Variants in FN1 observed in about 807,000 individuals in gnomAD.
FN1 encodes fibronectin 1, also known as fibronectin.
In FN1, 106 loss-of-function variants were observed where a neutral mutation model predicts 297.3. That is an observed-to-expected ratio of 0.36 (90% CI 0.30 to 0.42). FN1 has a LOEUF of 0.42. Among genes scored for constraint, FN1 ranks in the 10% least tolerant of loss-of-function variants. The probability of loss-of-function intolerance (pLI) is 1.00; values close to 1 mark genes in which losing one functional copy is unlikely to be tolerated. For missense variants in FN1, 2,690 were observed against 3,124.9 expected (o/e 0.86, Z 3.32); for synonymous variants, 1,149 against 1,152.6 (o/e 1.00, Z 0.06).
At chr2:215,376,365 A>T in intron 36 of FN1, 133 bp downstream of exon 36, 1 of 804,912 alleles carries the variant, frequency 1.2e-6, no homozygotes, top group Non-Finnish European at 2.1e-6. Context: ...CATGAAAATA[A>T]CGTTCTAAAA....
Position 215,380,965 on chromosome 2 carries a change from A to G in FN1, c.5280T>C (p.Pro1760=). Residue 1760 remains proline, a synonymous_variant, in exon 33 of 46, where the codon CCT becomes CCC. Transcript: ENST00000354785. The part of the protein sequence containing the change: ...VSRYRVTYSS[P]EDGIHELFPA... ...GGAATAGCTCATGGATTCCATCCTC[A>G]GGGCTCGAGTAGGTCACCCTGTACC... is the stretch of plus-strand genomic sequence containing the variant. 2 of 1,614,216 alleles carry G rather than the reference A, an allele frequency of 1.2e-6. No individual in the cohort carries two copies. Among genetic ancestry groups the G allele is most frequent in the Non-Finnish European group, 1.7e-6 (2 of 1,180,036 alleles).
chr2:215,391,698 C>A lies in FN1; in HGVS notation c.4186G>T (p.Val1396Leu), dbSNP rs1001840139. 1 of 1,614,120 alleles carries A rather than the reference C, an allele frequency of 6.2e-7. No homozygotes were observed. Among genetic ancestry groups the A allele is most frequent in the African/African-American group, 1.3e-5 (1 of 75,052 alleles). ...LTNFLVRYSP[V>L]KNEEDVAELS... ...TCTGCAACATCTTCCTCATTTTTCA[C>A]AGGTGAGTAACGCACCAGGAAGTTG... Residue 1396 changes from valine (V) to leucine (L), a missense_variant, in exon 26 of 46, where the codon GTG (valine) becomes TTG (leucine). This residue lies in a region of FN1 where 1,743 missense variants were observed against 1,945.2 expected (regional missense o/e 0.90). Transcript: ENST00000354785.
In FN1 at chr2:215,367,884, G is replaced by T; in HGVS notation, c.6997C>A (p.His2333Asn). ...LCQCLGFGSG[H>N]FRCDSSRWCH... ...TCACTAGATGAATCACATCTGAAAT[G>T]ACCACTTCCAAAGCCTAAGCACTGG... Residue 2333 changes from histidine to asparagine, a missense_variant, in exon 42 of 46, where the codon CAT becomes AAT. Physicochemically the swap from His to Asn is moderately conservative, Grantham distance 68. Coordinates refer to ENST00000354785, the MANE Select transcript of FN1 (RefSeq NM_212482.4). The T allele has an allele frequency of 6.2e-7, 1 of 1,613,994 alleles. No individual in the cohort carries two copies. The highest frequency in any genetic ancestry group is 1.1e-5 in the South Asian group (1 of 91,046).
rs2057827277 is a variant in FN1, at chr2:215,379,202, C to T, written c.5550G>A (p.Lys1850=). 4 of 1,614,006 alleles carry T rather than the reference C, an allele frequency of 2.5e-6. No homozygotes were observed. Among genetic ancestry groups the T allele is most frequent in the Non-Finnish European group, 3.4e-6 (4 of 1,180,000 alleles). The change falls in exon 34 of 46, where the codon AAG becomes AAA. Residue 1850 remains lysine, a synonymous_variant. Transcript: ENST00000354785. ...TTTCTTTCATTGGTCCGGTCTTCTC[C>T]TTGGGGGTCACCCGCACTCGATATC... ...LTGYRVRVTP[K]EKTGPMKEIN...
chr2:215,374,746 C>T (rs747993200), intron 38 of FN1, among the ~76,000 whole-genome samples: 12 of 152,206 alleles, frequency 7.9e-5, no homozygotes, highest in Non-Finnish European at 1.2e-4. Context: ...TCTTATTCCC[C>T]ATTCCAGGCA....
intron 24 of FN1, chr2:215,393,411 G>T: frequency 2.6e-6 from 1 of 378,996 alleles, no homozygotes; most frequent in Non-Finnish European, 4.6e-6. Flanking sequence ...GAATAAACAG[G>T]AATATTCTTT....
At chr2:215,383,736 C>A (rs890940652) in intron 30 of FN1, among the ~76,000 whole-genome samples, 1 of 152,162 alleles carries the variant, frequency 6.6e-6, no homozygotes, top group Non-Finnish European at 1.5e-5. Flanking sequence ...CCTACTTTAT[C>A]AACTCATCCA....
chr2:215,402,131 A>G, intron 20 of FN1, among the ~76,000 whole-genome samples: 1 of 152,164 alleles, frequency 6.6e-6, no homozygotes, highest in Non-Finnish European at 1.5e-5. Flanking sequence ...GAAAACCACA[A>G]CTTTTTTTAC....
At chr2:215,372,685 A>G (rs1423106684) in intron 39 of FN1, among the ~76,000 whole-genome samples, 1 of 151,746 alleles carries the variant, frequency 6.6e-6, no homozygotes, top group Non-Finnish European at 1.5e-5. Flanking sequence ...TGAAATGTGC[A>G]GTCTTTCTCT....
At chr2:215,397,309 T>G in intron 22 of FN1, 86 bp from the exon 23 acceptor site, 1 of 936,474 alleles carries the variant, frequency 1.1e-6, no homozygotes, top group Non-Finnish European at 1.8e-6. Flanking sequence ...CCTCCCTCTC[T>G]TCCATGCTTC....
In FN1 at chr2:215,375,307, T is replaced by C. The variant is rs1275936397; in HGVS notation, c.6064A>G (p.Thr2022Ala). ...TTCTCATACTTGATGATGTAGCCGG[T>C]AATCCTGGCACGTGGCGGCTGCCAT... ...VSWQPPRARI[T>A]GYIIKYEKPG... The change falls in exon 38 of 46, where the codon ACC becomes GCC. Residue 2022 changes from threonine (T) to alanine (A), a missense_variant. Thr to Ala is a moderately conservative substitution (Grantham distance 58). Transcript: ENST00000354785. The C allele has an allele frequency of 1.2e-6, 2 of 1,613,976 alleles. No homozygotes were observed. The highest frequency in any genetic ancestry group is 4.5e-5 in the East Asian group (2 of 44,888).
At chr2:215,412,861 C>G (rs2062876608) in intron 13 of FN1, among the ~76,000 whole-genome samples, 1 of 148,226 alleles carries the variant, frequency 6.7e-6, no homozygotes, top group Admixed American at 6.8e-5. Flanking sequence ...TCTCCACCTT[C>G]CATATCCACC....
chr2:215,367,423 T>C (rs2054854685), intron 42 of FN1, among the ~76,000 whole-genome samples: 3 of 152,328 alleles, frequency 2.0e-5, no homozygotes, highest in East Asian at 1.9e-4. Context: ...ATGGGTACTA[T>C]GATATGTGCA....
intron 23 of FN1, among the ~76,000 whole-genome samples, chr2:215,395,259 A>C (rs1381449823): frequency 6.6e-6 from 1 of 152,190 alleles, no homozygotes. Context: ...GGTGAGAAAC[A>C]AAAGTGCTGA....
chr2:215,393,314 T>C, intron 24 of FN1, 111 bp from the exon 25 acceptor site: 2 of 1,024,974 alleles, frequency 2.0e-6, no homozygotes, highest in Non-Finnish European at 2.8e-6. Context: ...ATTGGTGGAA[T>C]GTTAAAGCAA....
Position 215,370,332 on chromosome 2 carries a change from T to C in FN1, c.6815A>G (p.His2272Arg), listed in dbSNP as rs1449572655. The C allele has an allele frequency of 3.1e-6, 5 of 1,614,070 alleles. No homozygotes were observed. The highest frequency in any genetic ancestry group is 3.4e-6 in the Non-Finnish European group (4 of 1,180,026). Reference sequence around the variant, plus strand: ...GGTAACAACCTCTTCCCGAACCTTATGCCTCTGCTGGTCTTTCAGTGCCTC... The same window carrying C: ...GGTAACAACCTCTTCCCGAACCTTACGCCTCTGCTGGTCTTTCAGTGCCTC... Reference protein sequence around the residue: ...IVEALKDQQRHKVREEVVTVG... With the variant: ...IVEALKDQQRRKVREEVVTVG... Residue 2272 changes from histidine to arginine, a missense_variant, in exon 41 of 46, where the codon CAT becomes CGT. By Grantham distance (29) the His-to-Arg change is conservative (BLOSUM62 0). Coordinates refer to ENST00000354785, the MANE Select transcript of FN1 (RefSeq NM_212482.4).
intron 41 of FN1, among the ~76,000 whole-genome samples, 166 bp downstream of exon 41, chr2:215,370,128 G>A (rs1398977416): frequency 6.6e-6 from 1 of 152,122 alleles, no homozygotes; most frequent in Non-Finnish European, 1.5e-5. Context: ...AGGAGGTGGG[G>A]GAGAGATTAA....
In FN1 at chr2:215,419,243, T is replaced by C. The variant is rs769745930; in HGVS notation, c.1818A>G (p.Pro606=). ...EWHCQPLQTY[P]SSSGPVEVFI... ...ACTTGCAGTAATAGAGCTACTTACT[T>C]GGATAGGTCTGTAAAGGTTGGCAAT... is the stretch of plus-strand genomic sequence containing the variant. The change falls in exon 12 of 46, where the codon CCA becomes CCG. Residue 606 remains proline (P), a splice_region_variant and synonymous_variant. Transcript: ENST00000354785. The C allele has an allele frequency of 6.2e-7, 1 of 1,613,946 alleles. No homozygotes were observed. The highest frequency in any genetic ancestry group is 1.7e-5 in the Admixed American group (1 of 60,002).
intron 41 of FN1, among the ~76,000 whole-genome samples, chr2:215,369,603 C>T (rs1238051760): frequency 6.6e-6 from 1 of 152,066 alleles, no homozygotes; most frequent in Non-Finnish European, 1.5e-5. Context: ...TCTCATGTGC[C>T]TTGGTGAATT....
Sources: allele counts gnomAD v4.1 joint callset (sites outside exome capture counted in the v4.1 genomes callset), GRCh38; gene constraint gnomAD v4.1.1; regional missense constraint gnomAD v4.1.1; transcripts MANE v1.5; gene names NCBI Gene and HGNC (gene_info 2026-07-23, HGNC 2026-07-21).